Variants in FBXO40 observed in about 807,000 individuals in gnomAD.
FBXO40 encodes the protein F-box protein 40.
FBXO40 carries 50 observed loss-of-function variants against 49.9 expected under a neutral mutation model. The observed-to-expected ratio is 1.00, with a 90% CI of 0.80 to 1.27. The LOEUF is 1.27. Ranked by LOEUF, FBXO40 falls within the 50% of genes most tolerant of loss-of-function variation. The pLI, the probability that FBXO40 is intolerant of heterozygous loss-of-function variation, is 0.00. For missense variants in FBXO40, 895 were observed against 870.1 expected, an observed-to-expected ratio of 1.03 and a Z score of -0.36; for synonymous variants, 340 against 320.2, an observed-to-expected ratio of 1.06 and a Z score of -0.66.
At chr3:121,623,447 A>C in intron 3 of FBXO40, 104 bp downstream of exon 3, 1 of 933,154 alleles carries the variant, frequency 1.1e-6, no homozygotes, top group Non-Finnish European at 1.6e-6. Flanking sequence ...GCAGTGGTGC[A>C]ATCACAGCCT....
intron 1 of FBXO40, among the ~76,000 whole-genome samples, chr3:121,595,070 G>C (rs1293684645): frequency 6.6e-6 from 1 of 152,174 alleles, no homozygotes. Flanking sequence ...TGTACACTCT[G>C]ACCTTTGATG....
At chr3:121,611,783 C>T (rs1404375216) in intron 1 of FBXO40, among the ~76,000 whole-genome samples, 2 of 152,230 alleles carry the variant, frequency 1.3e-5, no homozygotes, top group Admixed American at 6.5e-5. Context: ...GAGGTCCCTG[C>T]GGCTTTCCGC....
At chr3:121,595,467 G>A (rs1238270849) in intron 1 of FBXO40, among the ~76,000 whole-genome samples, 2 of 152,152 alleles carry the variant, frequency 1.3e-5, no homozygotes, top group Non-Finnish European at 2.9e-5. Flanking sequence ...GAATAGTACT[G>A]ATACAAAAGC....
At chr3:121,613,114 A>G (rs1317144751) in intron 1 of FBXO40, among the ~76,000 whole-genome samples, 2 of 151,884 alleles carry the variant, frequency 1.3e-5, no homozygotes, top group African/African-American at 4.8e-5. Flanking sequence ...TCCAGTTTAA[A>G]CCTTCCCTTC....
chr3:121,626,676 C>T lies in FBXO40; in HGVS notation c.1915-19C>T, dbSNP rs763283106. On this transcript the variant is annotated intron_variant, in intron 3 of 3. Coordinates refer to ENST00000338040, the MANE Select transcript of FBXO40 (RefSeq NM_016298.4). ...TAACACCCCTATATTCACCTTTGAA[C>T]TTCTATCTTTCTCAACAGATCTGGC... 3 of 1,612,842 alleles carry T rather than the reference C, an allele frequency of 1.9e-6. No individual in the cohort carries two copies. The highest frequency in any genetic ancestry group is 3.3e-5 in the Admixed American group (2 of 59,982).
intron 2 of FBXO40, 126 bp downstream of exon 2, chr3:121,620,704 A>C: frequency 8.5e-7 from 1 of 1,177,204 alleles, no homozygotes. Context: ...ACTTTTTTCC[A>C]AACTAGAGAT....
At chr3:121,618,856 T>C (rs966773594) in intron 1 of FBXO40, among the ~76,000 whole-genome samples, 17 of 151,732 alleles carry the variant, frequency 1.1e-4, no homozygotes, top group African/African-American at 4.1e-4. Context: ...TGAATCTAGA[T>C]AAAGTATATT....
chr3:121,615,947 C>T (rs2048995467), intron 1 of FBXO40, among the ~76,000 whole-genome samples: 1 of 152,132 alleles, frequency 6.6e-6, no homozygotes, highest in Non-Finnish European at 1.5e-5. Flanking sequence ...AATCAGAGGC[C>T]TGGTAAGCAG....
chr3:121,593,789 G>T (rs995790699), intron 1 of FBXO40, among the ~76,000 whole-genome samples: 1 of 152,118 alleles, frequency 6.6e-6, no homozygotes, highest in Non-Finnish European at 1.5e-5. Flanking sequence ...TTACAACATG[G>T]TGATGGGTGG....
intron 3 of FBXO40, among the ~76,000 whole-genome samples, 184 bp downstream of exon 3, chr3:121,623,527 C>T (rs937356793): frequency 6.6e-6 from 1 of 152,006 alleles, no homozygotes; most frequent in Non-Finnish European, 1.5e-5. Flanking sequence ...ATGTGCATCA[C>T]CACTTCTGAC....
At chr3:121,605,973 C>T (rs2108846050) in intron 1 of FBXO40, among the ~76,000 whole-genome samples, 2 of 152,180 alleles carry the variant, frequency 1.3e-5, no homozygotes, top group Middle Eastern at 6.8e-3. Context: ...GAACCTCCAG[C>T]AATAGTGAAA....
At chr3:121,604,752 T>C (rs565436268) in intron 1 of FBXO40, among the ~76,000 whole-genome samples, 1 of 152,262 alleles carries the variant, frequency 6.6e-6, no homozygotes, top group East Asian at 1.9e-4. Context: ...CATTTCAGCA[T>C]TTATAAAAGA....
rs971220915 is a variant in FBXO40, at chr3:121,629,135, A to G, written c.*2225A>G. ...GATGAAGTAGGTGAAACCTCTGAAA[A>G]GAGTCTAGAAGGCAGTAGAGCAAGT... On this transcript the variant is annotated 3_prime_UTR_variant, in exon 4 of 4. Transcript: ENST00000338040. The G allele has an allele frequency of 1.3e-5, 2 of 152,206 alleles. No individual in the cohort carries two copies. Among genetic ancestry groups the G allele is most frequent in the African/African-American group, 4.8e-5 (2 of 41,446 alleles). 9.4% of individuals were successfully genotyped at this position (152,206 alleles called of 1,614,324 possible).
chr3:121,624,268 G>C (rs889739860), intron 3 of FBXO40, among the ~76,000 whole-genome samples: 1 of 152,144 alleles, frequency 6.6e-6, no homozygotes, highest in African/African-American at 2.4e-5. Flanking sequence ...GGGATTATAG[G>C]TATGAGCCAC....
intron 1 of FBXO40, among the ~76,000 whole-genome samples, chr3:121,598,528 T>C (rs1213958602): frequency 1.3e-5 from 2 of 152,206 alleles, no homozygotes; most frequent in African/African-American, 4.8e-5. Flanking sequence ...TTTCTAGATG[T>C]GCTAGATGTA....
At chr3:121,620,650 A>G in intron 2 of FBXO40, 72 bp downstream of exon 2, 3 of 1,582,568 alleles carry the variant, frequency 1.9e-6, no homozygotes, top group Non-Finnish European at 2.6e-6. Context: ...CCTGTAGCCC[A>G]AGCAGCTAGC....
In FBXO40 at chr3:121,611,145, G is replaced by A. The variant is rs542026022; in HGVS notation, c.-30-9401G>A. Among the ~76,000 whole-genome samples the A allele has an allele frequency of 1.8e-4, 28 of 152,334 alleles. 1 individual carries two copies. In the East Asian group the frequency reaches 5.2e-3, roughly 28 times the overall value. ...CCCTCCACACCTGTGGGTATTTCTA[G>A]TCGGGTGGGACGAGAGACTGAGAAA... On this transcript the variant is annotated intron_variant, in intron 1 of 3. Coordinates refer to ENST00000338040, the MANE Select transcript of FBXO40 (RefSeq NM_016298.4).
intron 1 of FBXO40, among the ~76,000 whole-genome samples, chr3:121,605,041 C>T (rs1411461792): frequency 1.3e-5 from 2 of 151,872 alleles, no homozygotes; most frequent in African/African-American, 2.4e-5. Flanking sequence ...GGCATGATCT[C>T]GGCTCACTGC....
chr3:121,604,887 A>G (rs2048922898), intron 1 of FBXO40, among the ~76,000 whole-genome samples: 1 of 152,178 alleles, frequency 6.6e-6, no homozygotes, highest in African/African-American at 2.4e-5. Flanking sequence ...ATACCCATGA[A>G]AAATGGATCT....
Sources: gnomAD v4.1 joint callset for allele counts (sites outside exome capture counted in the v4.1 genomes callset) on GRCh38, gnomAD v4.1.1 for gene constraint, MANE v1.5 for transcripts, NCBI Gene and HGNC (gene_info 2026-07-23, HGNC 2026-07-21) for gene names.